KCNAB1: variants seen among roughly 807,000 people sequenced by gnomAD.
KCNAB1 encodes the protein potassium voltage-gated channel subfamily A regulatory beta subunit 1.
Under a neutral mutation model 64.6 loss-of-function variants are expected in KCNAB1, and 35 were observed. That is an observed-to-expected ratio of 0.54 (90% CI 0.41 to 0.72). The LOEUF (loss-of-function observed/expected upper bound fraction) is 0.72. Among genes scored for constraint, KCNAB1 ranks in the 30% least tolerant of loss-of-function variants. The pLI, the probability that KCNAB1 is intolerant of heterozygous loss-of-function variation, is 0.00. For missense variants in KCNAB1, 401 were observed against 512.9 expected (o/e 0.78, Z 2.11); for synonymous variants, 177 against 183.8 (o/e 0.96, Z 0.30).
chr3:156,218,801 A>AAAAAAAAAAT (rs371264941), intron 1 of KCNAB1, among the ~76,000 whole-genome samples: 6 of 112,240 alleles, frequency 5.3e-5, no homozygotes, highest in Admixed American at 1.0e-4. Flanking sequence ...AAAAAAAAAA[A>AAAAAAAAAAT]AATAATAATA....
chr3:156,242,437 A>G (rs1178613431), intron 1 of KCNAB1, among the ~76,000 whole-genome samples: 4 of 151,904 alleles, frequency 2.6e-5, no homozygotes, highest in African/African-American at 9.7e-5. Context: ...TTTATCCCCC[A>G]CCCGCTTCCC....
chr3:156,278,943 AT>A (rs905525866), intron 1 of KCNAB1, among the ~76,000 whole-genome samples: 2 of 151,184 alleles, frequency 1.3e-5, no homozygotes, highest in Admixed American at 6.6e-5. Context: ...ACTTTATTTT[AT>A]TTTTTTATTT....
At chr3:156,361,557 G>T (rs1410109159) in intron 1 of KCNAB1, among the ~76,000 whole-genome samples, 3 of 152,198 alleles carry the variant, frequency 2.0e-5, no homozygotes, top group South Asian at 2.1e-4. Context: ...ATGAGGGCAG[G>T]GATCACTTTT....
Position 156,357,159 on chromosome 3 carries a change from G to GCGCACA in KCNAB1, c.276-64456_276-64455insGCACAC, listed in dbSNP as rs545909634. Among the ~76,000 whole-genome samples the GCGCACA allele has an allele frequency of 7.9e-3, 1,164 of 147,394 alleles. 10 individuals are homozygous for GCGCACA. The highest frequency in any genetic ancestry group is 0.026 in the African/African-American group (1,067 of 40,512). ...CACATACACAAACACACATGTGCGC[G>GCGCACA]CACACACACACACACACACACACAC... is the stretch of plus-strand genomic sequence containing the variant. On this transcript the variant is annotated intron_variant, in intron 1 of 13. Coordinates refer to ENST00000490337, the MANE Select transcript of KCNAB1 (RefSeq NM_172160.3).
intron 1 of KCNAB1, among the ~76,000 whole-genome samples, chr3:156,420,012 A>G (rs1216300580): frequency 1.3e-5 from 2 of 152,218 alleles, no homozygotes; most frequent in Non-Finnish European, 2.9e-5. Flanking sequence ...CAATCCAATT[A>G]TTTTCGTCCC....
chr3:156,511,071 T>C (rs1008400080), intron 8 of KCNAB1, among the ~76,000 whole-genome samples: 9 of 152,168 alleles, frequency 5.9e-5, no homozygotes, highest in African/African-American at 2.2e-4. Flanking sequence ...TATCCAACTA[T>C]TAAATATCCA....
intron 1 of KCNAB1, among the ~76,000 whole-genome samples, chr3:156,293,483 C>T (rs1720587660): frequency 6.6e-6 from 1 of 152,120 alleles, no homozygotes; most frequent in Admixed American, 6.5e-5. Context: ...ATAAAAGTTG[C>T]CCTTGAAAAA....
chr3:156,249,681 A>G (rs186043212), intron 1 of KCNAB1, among the ~76,000 whole-genome samples: 39 of 152,324 alleles, frequency 2.6e-4, no homozygotes, highest in African/African-American at 8.9e-4. Flanking sequence ...CCAGTTGCCT[A>G]TCAATCTTAG....
chr3:156,142,615 C>T (rs1450763542), intron 1 of KCNAB1, among the ~76,000 whole-genome samples: 5 of 152,164 alleles, frequency 3.3e-5, no homozygotes, highest in Non-Finnish European at 7.4e-5. Flanking sequence ...CTTTTACAAC[C>T]ACTTGTTGAT....
intron 1 of KCNAB1, among the ~76,000 whole-genome samples, chr3:156,377,536 G>T (rs1366250856): frequency 6.6e-6 from 1 of 152,160 alleles, no homozygotes; most frequent in Non-Finnish European, 1.5e-5. Flanking sequence ...CAGGCTGGTG[G>T]ACTGTATTGT....
At chr3:156,286,918 C>G (rs115334513) in intron 1 of KCNAB1, among the ~76,000 whole-genome samples, 270 of 152,210 alleles carry the variant, frequency 1.8e-3, no homozygotes, top group African/African-American at 6.3e-3. Flanking sequence ...TTCTCTGAGT[C>G]TCATGTTTCT....
intron 1 of KCNAB1, among the ~76,000 whole-genome samples, chr3:156,161,769 T>C (rs1217753465): frequency 1.3e-5 from 2 of 152,220 alleles, no homozygotes; most frequent in East Asian, 3.8e-4. Flanking sequence ...GTCTACAAAA[T>C]ACTTAAGTAT....
At chr3:156,129,059 G>A (rs1448962814) in intron 1 of KCNAB1, among the ~76,000 whole-genome samples, 1 of 152,004 alleles carries the variant, frequency 6.6e-6, no homozygotes, top group Non-Finnish European at 1.5e-5. Context: ...TAGTCGTTCT[G>A]TTTAATTCAT....
intron 1 of KCNAB1, among the ~76,000 whole-genome samples, chr3:156,174,012 G>C (rs1299741082): frequency 6.6e-6 from 1 of 152,146 alleles, no homozygotes; most frequent in South Asian, 2.1e-4. Flanking sequence ...CTTCAGACTC[G>C]TACTGGAACA....
chr3:156,276,240 T>TA (rs1719340828), intron 1 of KCNAB1, among the ~76,000 whole-genome samples: 2 of 152,192 alleles, frequency 1.3e-5, no homozygotes, highest in African/African-American at 4.8e-5. Context: ...GGAGTAAGTC[T>TA]AAGAAGTTGG....
At chr3:156,427,631 C>T (rs1232837331) in intron 2 of KCNAB1, among the ~76,000 whole-genome samples, 1 of 152,190 alleles carries the variant, frequency 6.6e-6, no homozygotes, top group Non-Finnish European at 1.5e-5. Flanking sequence ...TCATGAATTG[C>T]TGAGGCCCAG....
chr3:156,536,694 A>T lies in KCNAB1; in HGVS notation c.1207A>T (p.Ile403Phe). Residue 403 changes from isoleucine to phenylalanine, a missense_variant, in exon 14 of 14, where the codon ATT becomes TTT. Ile to Phe is a conservative substitution (Grantham distance 21). Transcript: ENST00000490337. ...GATGACATCACATGTGGTAAATGAG[A>T]TTGATAACATACTGCGCAACAAGCC... ...PKMTSHVVNE[I>F]DNILRNKPYS... 1 of 1,613,546 alleles carries T rather than the reference A, an allele frequency of 6.2e-7. No individual in the cohort carries two copies. The highest frequency in any genetic ancestry group is 8.5e-7 in the Non-Finnish European group (1 of 1,179,416).
chr3:156,281,186 T>C (rs1272527878), intron 1 of KCNAB1, among the ~76,000 whole-genome samples: 1 of 147,390 alleles, frequency 6.8e-6, no homozygotes, highest in Non-Finnish European at 1.5e-5. Context: ...GGTTGTTGAA[T>C]TTTGTCAAAG....
At chr3:156,211,729 C>T (rs930911221) in intron 1 of KCNAB1, among the ~76,000 whole-genome samples, 2 of 152,180 alleles carry the variant, frequency 1.3e-5, no homozygotes, top group Non-Finnish European at 2.9e-5. Flanking sequence ...TCTCATAATT[C>T]TGTGGTGATT....
Sources: gnomAD v4.1 joint callset for allele counts (sites outside exome capture counted in the v4.1 genomes callset) on GRCh38, gnomAD v4.1.1 for gene constraint, MANE v1.5 for transcripts, NCBI Gene and HGNC (gene_info 2026-07-23, HGNC 2026-07-21) for gene names.